NOL10: variants seen among roughly 807,000 people sequenced by gnomAD.
NOL10 encodes the protein H_NH0074G24.1.
Under a neutral mutation model 103.5 loss-of-function variants are expected in NOL10, and 58 were observed. That is an observed-to-expected ratio of 0.56 (90% CI 0.45 to 0.70). The LOEUF is 0.70. Ranked by LOEUF, NOL10 falls within the 30% of genes least tolerant of loss-of-function variation. The pLI is 0.00. For missense variants in NOL10, 763 were observed against 807.3 expected (o/e 0.95, Z 0.67); for synonymous variants, 287 against 282.5 (o/e 1.02, Z -0.16).
intron 17 of NOL10, among the ~76,000 whole-genome samples, chr2:10,595,169 A>AGG (rs1675608740): frequency 6.7e-6 from 1 of 148,934 alleles, no homozygotes; most frequent in Non-Finnish European, 1.5e-5. Context: ...AGAGAGAGAG[A>AGG]GAGAGAGAGA....
At chr2:10,577,819 G>A in intron 19 of NOL10, 81 bp from the exon 20 acceptor site, 1 of 893,056 alleles carries the variant, frequency 1.1e-6, no homozygotes, top group African/African-American at 1.7e-5. Context: ...GATTAGAATT[G>A]ATAGCGAAGA....
At chr2:10,616,096 G>A (rs1014042038) in intron 13 of NOL10, among the ~76,000 whole-genome samples, 4 of 152,070 alleles carry the variant, frequency 2.6e-5, no homozygotes, top group Non-Finnish European at 4.4e-5. Flanking sequence ...ACAAAACTGG[G>A]GGATTCTTCT....
intron 19 of NOL10, among the ~76,000 whole-genome samples, chr2:10,583,557 T>C (rs1674870498): frequency 2.0e-5 from 3 of 152,262 alleles, no homozygotes; most frequent in Admixed American, 6.5e-5. Flanking sequence ...TCATTACTTT[T>C]AGCCTTAAAC....
At chr2:10,639,371 G>A (rs1034705168) in intron 13 of NOL10, among the ~76,000 whole-genome samples, 2 of 152,158 alleles carry the variant, frequency 1.3e-5, no homozygotes, top group South Asian at 4.1e-4. Context: ...GCAGTGAGCC[G>A]AGATCCTGCC....
intron 13 of NOL10, among the ~76,000 whole-genome samples, chr2:10,641,939 T>G (rs1373735844): frequency 1.3e-5 from 2 of 152,200 alleles, no homozygotes; most frequent in South Asian, 2.1e-4. Flanking sequence ...ACCTGCCCAC[T>G]AGTTGATTCT....
Position 10,668,781 on chromosome 2 carries a change from A to G in NOL10, c.465-58T>C, listed in dbSNP as rs184667017. 20 of 712,726 alleles carry G rather than the reference A, an allele frequency of 2.8e-5. No homozygotes were observed. In the African/African-American group the frequency reaches 2.9e-4, roughly 10 times the overall value. The allele number at this position is 712,726 out of a possible 1,614,324, so 44.2% of individuals were successfully genotyped here. A position where few individuals can be genotyped will look rare whatever the true frequency, so the allele number is the denominator to read the frequency against. The stretch of plus-strand genomic sequence containing the variant: ...TAAACTACAATGAAACTTTAAGTAA[A>G]TATAAATTTTATAAATATATATATT... On this transcript the variant is annotated intron_variant, in intron 6 of 20. Coordinates refer to ENST00000381685, the MANE Select transcript of NOL10 (RefSeq NM_024894.4).
chr2:10,618,591 A>T (rs1296603853), intron 13 of NOL10, among the ~76,000 whole-genome samples: 1 of 151,938 alleles, frequency 6.6e-6, no homozygotes, highest in Non-Finnish European at 1.5e-5. Context: ...TTGTATTTTT[A>T]TTTTTTTGTA....
intron 4 of NOL10, among the ~76,000 whole-genome samples, chr2:10,675,208 TAATA>T (rs753047364): frequency 7.2e-4 from 109 of 151,226 alleles, no homozygotes; most frequent in Non-Finnish European, 1.3e-3. Flanking sequence ...TTTAAAAAAG[TAATA>T]AATAAATAAA....
chr2:10,679,262 G>A (rs1343490085), intron 3 of NOL10, among the ~76,000 whole-genome samples: 5 of 151,970 alleles, frequency 3.3e-5, no homozygotes, highest in Non-Finnish European at 2.9e-5. Flanking sequence ...AGGAGGCTGT[G>A]GCAGGAGAAT....
chr2:10,672,252 A>C (rs977749341), intron 5 of NOL10, among the ~76,000 whole-genome samples: 5 of 152,116 alleles, frequency 3.3e-5, no homozygotes, highest in Non-Finnish European at 7.4e-5. Context: ...GCTTGAACCC[A>C]GGAGCCGGAG....
chr2:10,631,074 T>C (rs1317445973), intron 13 of NOL10, among the ~76,000 whole-genome samples: 1 of 152,228 alleles, frequency 6.6e-6, no homozygotes, highest in Admixed American at 6.5e-5. Flanking sequence ...TGCTTAAATG[T>C]GCACTTTAGA....
At chr2:10,591,269 A>G (rs1401720559) in intron 17 of NOL10, among the ~76,000 whole-genome samples, 2 of 152,162 alleles carry the variant, frequency 1.3e-5, no homozygotes, top group Non-Finnish European at 2.9e-5. Flanking sequence ...AAAACACTGC[A>G]AACACGTGCT....
rs749619416 is a variant in NOL10 at position 10,689,878 on chromosome 2, G to C, written c.-17C>G. On this transcript the variant is annotated 5_prime_UTR_variant, in exon 1 of 21. Coordinates refer to ENST00000381685, the MANE Select transcript of NOL10 (RefSeq NM_024894.4). The stretch of plus-strand genomic sequence containing the variant: ...GACCTGCATGGCGCCGCACAACACT[G>C]TTCAAGTCCCGGGTCCTTTCCCACC... 3.2e-5 allele frequency: 51 copies of C among 1,598,982 alleles called. No homozygotes were observed. The highest frequency in any genetic ancestry group is 4.2e-5 in the Non-Finnish European group (49 of 1,173,052).
At chr2:10,572,238 A>G (rs773370199) in intron 20 of NOL10, 48 bp from the exon 21 acceptor site, 2 of 1,601,218 alleles carry the variant, frequency 1.2e-6, no homozygotes, top group Non-Finnish European at 1.7e-6. Flanking sequence ...AAAATTCTAT[A>G]CCTCTTTTCT....
chr2:10,600,075 T>G (rs1224214486), intron 17 of NOL10, among the ~76,000 whole-genome samples: 1 of 152,044 alleles, frequency 6.6e-6, no homozygotes, highest in Non-Finnish European at 1.5e-5. Flanking sequence ...AGCTCCTTAC[T>G]CATTAGGTTC....
chr2:10,681,004 T>C (rs1028400828), intron 3 of NOL10, among the ~76,000 whole-genome samples: 5 of 152,216 alleles, frequency 3.3e-5, no homozygotes, highest in African/African-American at 1.2e-4. Flanking sequence ...TCTCATTCAT[T>C]GTTAGTAGGA....
chr2:10,635,912 G>A (rs1029261784), intron 13 of NOL10, among the ~76,000 whole-genome samples: 1 of 152,094 alleles, frequency 6.6e-6, no homozygotes, highest in South Asian at 2.1e-4. Flanking sequence ...TTTTTTTTAA[G>A]AGAGTCTGTG....
intron 20 of NOL10, 64 bp downstream of exon 20, chr2:10,577,572 C>A: frequency 8.5e-7 from 1 of 1,175,276 alleles, no homozygotes; most frequent in Non-Finnish European, 1.2e-6. Flanking sequence ...GACACACACA[C>A]AAACACTATT....
rs1675270519 is a variant in NOL10 at position 10,589,168 on chromosome 2, T to C, written c.1719A>G (p.Lys573=). 1 of 1,614,014 alleles carries C rather than the reference T, an allele frequency of 6.2e-7. No individual in the cohort carries two copies. ...CCTTGAGTCGTTCCTGCCGCTTCAC[T>C]TTTTCCTCCTGCTGGAGGAGTCTGC... The part of the protein sequence containing the change: ...KQRRLLQQEE[K]VKRQERLKED... Residue 573 remains lysine, a synonymous_variant, in exon 19 of 21, where the codon AAA becomes AAG. Transcript: ENST00000381685.
Sources: allele counts gnomAD v4.1 joint callset (sites outside exome capture counted in the v4.1 genomes callset), GRCh38; gene constraint gnomAD v4.1.1; transcripts MANE v1.5; gene names NCBI Gene and HGNC (gene_info 2026-07-23, HGNC 2026-07-21).